TIMP1: variants seen among roughly 807,000 people sequenced by gnomAD.
TIMP1 encodes the protein metalloproteinase inhibitor 1.
Under a neutral mutation model 13.7 loss-of-function variants are expected in TIMP1, and 5 were observed. The ratio of observed to expected loss-of-function variants is 0.36; its 90% CI spans 0.19 to 0.76. The LOEUF is 0.76. TIMP1 is among the 30% of genes least tolerant of loss of function. The probability of loss-of-function intolerance (pLI) is 0.51; values close to 1 mark genes in which losing one functional copy is unlikely to be tolerated. For missense variants in TIMP1, 131 were observed against 168.4 expected (o/e 0.78, Z 1.23); for synonymous variants, 63 against 67.1 (o/e 0.94, Z 0.30).
rs967290911 is a variant in TIMP1 at position 47,585,594 on chromosome X, C to T, written c.380C>T (p.Pro127Leu). 1.7e-6 allele frequency: 2 copies of T among 1,195,386 alleles called. No homozygotes were observed. Among genetic ancestry groups the T allele is most frequent in the Admixed American group, 4.5e-5 (2 of 44,860 alleles). The change falls in exon 5 of 6, where the codon CCC becomes CTC. Residue 127 changes from proline (P) to leucine (L), a missense_variant. Transcript: ENST00000218388. ...LHITTCSFVA[P>L]WNSLSLAQRR... ...ATCACTACCTGCAGTTTTGTGGCTC[C>T]CTGGAACAGCCTGAGCTTAGCTCAG... is the stretch of plus-strand genomic sequence containing the variant.
Position 47,586,674 on chromosome X carries a change from C to G in TIMP1, c.607C>G (p.Arg203Gly). 1 of 1,209,713 alleles carries G rather than the reference C, an allele frequency of 8.3e-7. No individual in the cohort carries two copies. The highest frequency in any genetic ancestry group is 1.1e-6 in the Non-Finnish European group (1 of 895,578). Residue 203 changes from arginine to glycine, a missense_variant, in exon 6 of 6, where the codon CGG becomes GGG. By Grantham distance (125) the Arg-to-Gly change is moderately radical. Coordinates refer to ENST00000218388, the MANE Select transcript of TIMP1 (RefSeq NM_003254.3). ...EPGLCTWQSL[R>G]SQIA is the part of the protein sequence containing the mutation. ...AGGGCTGTGCACCTGGCAGTCCCTGCGGTCCCAGATAGCCTGAATCCTGCC... is the reference window on the plus strand; with the variant it reads ...AGGGCTGTGCACCTGGCAGTCCCTGGGGTCCCAGATAGCCTGAATCCTGCC...
At chrX:47,585,974 G>T in intron 5 of TIMP1, 2 of 1,053,542 alleles carry the variant, frequency 1.9e-6, no homozygotes, top group Non-Finnish European at 2.5e-6. Context: ...ATTGTTTCTT[G>T]GTTCCCCAGA....
chrX:47,584,815 T>TAAATA (rs1295992915), intron 2 of TIMP1, 121 bp from the exon 3 acceptor site: 5 of 550,321 alleles, frequency 9.1e-6, no homozygotes, highest in Non-Finnish European at 1.5e-5. Flanking sequence ...GTGTGCTGTC[T>TAAATA]GGCATCCAAT....
At chrX:47,583,976 G>A (rs2057811356) in intron 2 of TIMP1, among the ~76,000 whole-genome samples, 1 of 112,024 alleles carries the variant, frequency 8.9e-6, no homozygotes, top group Non-Finnish European at 1.9e-5. Context: ...GCAGTCGGTG[G>A]GAGAGATTGG....
At chrX:47,582,553 C>A (rs1360187674) in intron 1 of TIMP1, 79 bp downstream of exon 1, 1 of 360,283 alleles carries the variant, frequency 2.8e-6, no homozygotes, top group Non-Finnish European at 5.6e-6. Context: ...CCCGTGCACT[C>A]CCGTGCCAGA....
chrX:47,586,215 T>TG (rs1330984616), intron 5 of TIMP1: 1 of 750,957 alleles, frequency 1.3e-6, no homozygotes, highest in Admixed American at 8.9e-5. Flanking sequence ...GCCAACCGGG[T>TG]GGGGCCCCTT....
At position 47,586,567 on chromosome X, in the gene TIMP1, A is replaced by G; in HGVS notation, c.500A>G (p.His167Arg). ...CCCTGCAAACTGCAGAGTGGCACTC[A>G]TTGCTTGTGGACGGACCAGCTCCTC... ...SIPCKLQSGT[H>R]CLWTDQLLQG... Residue 167 changes from histidine to arginine, a missense_variant, in exon 6 of 6, where the codon CAT (histidine) becomes CGT (arginine). His to Arg is a conservative substitution (Grantham distance 29, BLOSUM62 0). Coordinates refer to ENST00000218388, the MANE Select transcript of TIMP1 (RefSeq NM_003254.3). 1 of 1,211,788 alleles carries G rather than the reference A, an allele frequency of 8.3e-7. No individual in the cohort carries two copies.
At chrX:47,585,049 T>C (rs1233241427) in intron 3 of TIMP1, 34 bp downstream of exon 3, 1 of 1,194,466 alleles carries the variant, frequency 8.4e-7, no homozygotes, top group Non-Finnish European at 1.1e-6. Context: ...CCCAGCATTT[T>C]CTAACATCTT....
In TIMP1 at chrX:47,585,347, C is replaced by T. The variant is rs188048372; in HGVS notation, c.328+16C>T. Reference sequence around the variant, plus strand: ...CTCATTGCTGGTGAGGCACCGTCCCCGCGCCCTGTGCCACACCAACCAGTC... The same window carrying T: ...CTCATTGCTGGTGAGGCACCGTCCCTGCGCCCTGTGCCACACCAACCAGTC... On this transcript the variant is annotated intron_variant, in intron 4 of 5. Coordinates refer to ENST00000218388, the MANE Select transcript of TIMP1 (RefSeq NM_003254.3). 2,241 of 1,209,569 alleles carry T rather than the reference C, an allele frequency of 1.9e-3. 3 individuals carry two copies. Among genetic ancestry groups the T allele is most frequent in the Non-Finnish European group, 2.2e-3 (1,991 of 894,908 alleles).
At chrX:47,585,761 T>G in intron 5 of TIMP1, 94 bp downstream of exon 5, 1 of 1,172,094 alleles carries the variant, frequency 8.5e-7, no homozygotes, top group Non-Finnish European at 1.1e-6. Context: ...GGCTATTCTG[T>G]GTCCCTGTGG....
intron 1 of TIMP1, 169 bp downstream of exon 1, chrX:47,582,643 C>T (rs1470402031): frequency 9.1e-6 from 3 of 329,975 alleles, no homozygotes; most frequent in Non-Finnish European, 1.8e-5. Flanking sequence ...GCTGGAACTG[C>T]TTTCCCAACC....
chrX:47,583,908 A>G (rs181090834), intron 2 of TIMP1, among the ~76,000 whole-genome samples: 1 of 112,080 alleles, frequency 8.9e-6, no homozygotes, highest in East Asian at 2.8e-4. Context: ...TAACACAGTA[A>G]GGAAGACCAT....
intron 5 of TIMP1, chrX:47,586,168 G>A: frequency 3.2e-6 from 3 of 951,720 alleles, no homozygotes; most frequent in South Asian, 2.7e-5. Context: ...CTATCTTGAA[G>A]CCCCACTGGC....
chrX:47,584,310 G>GATTGAGGATGATCAGGT (rs2057813345), intron 2 of TIMP1, among the ~76,000 whole-genome samples: 3 of 111,024 alleles, frequency 2.7e-5, no homozygotes, highest in Non-Finnish European at 5.7e-5. Context: ...GATGATCAGA[G>GATTGAGGATGATCAGGT]ATTGAGGATG....
chrX:47,585,169 T>C, intron 3 of TIMP1, 36 bp from the exon 4 acceptor site: 2 of 1,168,794 alleles, frequency 1.7e-6, no homozygotes, highest in South Asian at 4.0e-5. Context: ...GAGGATTATG[T>C]CAGTAAAAGA....
intron 3 of TIMP1, 33 bp from the exon 4 acceptor site, chrX:47,585,172 G>A: frequency 8.5e-7 from 1 of 1,169,805 alleles, no homozygotes; most frequent in Non-Finnish European, 1.1e-6. Context: ...GATTATGTCA[G>A]TAAAAGAGAC....
chrX:47,585,126 T>C, intron 3 of TIMP1, 79 bp from the exon 4 acceptor site: 4 of 1,167,046 alleles, frequency 3.4e-6, no homozygotes, highest in Non-Finnish European at 4.6e-6. Context: ...GATCTTGGGA[T>C]GCTATATGAC....
rs1324049693 is a variant in TIMP1 at position 47,584,858 on chromosome X, G to T, written c.122-78G>T. On this transcript the variant is annotated intron_variant, in intron 2 of 5. Transcript: ENST00000218388. ...ATTTATGTATGCGCTTTGCTGGTAT[G>T]ATGATGATGATGATGATGATCTTAT... 7 of 629,432 alleles carry T rather than the reference G, an allele frequency of 1.1e-5. No homozygotes were observed. In the Admixed American group the frequency reaches 1.9e-4, roughly 17 times the overall value. The allele number at this position is 629,432 out of a possible 1,213,427, so 51.9% of individuals were successfully genotyped here. A position where few individuals can be genotyped will look rare whatever the true frequency, so the allele number is the denominator to read the frequency against.
Position 47,585,434 on chromosome X carries a change from A to C in TIMP1, c.328+103A>C, listed in dbSNP as rs757443389. ...CTCTGATGGGAATGGTCCCACTGGAAATGGGGACCACCCCAATTTCAGTCT... is the reference window on the plus strand; with the variant it reads ...CTCTGATGGGAATGGTCCCACTGGACATGGGGACCACCCCAATTTCAGTCT... On this transcript the variant is annotated intron_variant, in intron 4 of 5. Coordinates refer to ENST00000218388, the MANE Select transcript of TIMP1 (RefSeq NM_003254.3). 6 of 1,193,560 alleles carry C rather than the reference A, an allele frequency of 5.0e-6. No individual in the cohort carries two copies. In the South Asian group the frequency reaches 1.1e-4, roughly 22 times the overall value.
Sources: allele counts gnomAD v4.1 joint callset (sites outside exome capture counted in the v4.1 genomes callset), GRCh38; gene constraint gnomAD v4.1.1; transcripts MANE v1.5; gene names NCBI Gene and HGNC (gene_info 2026-07-23, HGNC 2026-07-21).